Variants in SEMA3A observed in about 807,000 individuals in gnomAD.
The protein encoded by SEMA3A is semaphorin-3A.
SEMA3A carries 29 observed loss-of-function variants against 97.9 expected under a neutral mutation model. The observed-to-expected ratio is 0.30, with a 90% CI of 0.22 to 0.40. The LOEUF (loss-of-function observed/expected upper bound fraction) is 0.40. SEMA3A is among the 10% of genes least tolerant of loss of function. SEMA3A has a pLI of 1.00. For missense variants in SEMA3A, 763 were observed against 951.3 expected (o/e 0.80, Z 2.60); for synonymous variants, 321 against 323.7 (o/e 0.99, Z 0.09).
chr7:84,378,961 C>G (rs899195464), intron 1 of SEMA3A, among the ~76,000 whole-genome samples: 1 of 151,654 alleles, frequency 6.6e-6, no homozygotes, highest in Non-Finnish European at 1.5e-5. Flanking sequence ...GAATCTTGCT[C>G]TGTCGCCCAG....
intron 3 of SEMA3A, among the ~76,000 whole-genome samples, chr7:84,270,025 G>T (rs993056086): frequency 6.6e-6 from 1 of 152,070 alleles, no homozygotes; most frequent in Non-Finnish European, 1.5e-5. Context: ...AACTTGTTGA[G>T]CAAGTGTGGT....
At chr7:84,016,071 T>A (rs1370074768) in intron 6 of SEMA3A, among the ~76,000 whole-genome samples, 1 of 151,962 alleles carries the variant, frequency 6.6e-6, no homozygotes, top group Non-Finnish European at 1.5e-5. Context: ...ATATATATAT[T>A]ATATATGTAA....
At chr7:84,081,865 A>G (rs1005989147) in intron 4 of SEMA3A, among the ~76,000 whole-genome samples, 4 of 152,066 alleles carry the variant, frequency 2.6e-5, no homozygotes, top group Non-Finnish European at 5.9e-5. Flanking sequence ...TACATGTTAT[A>G]TTTATAATCT....
chr7:84,229,933 C>T (rs1024989538), intron 3 of SEMA3A, among the ~76,000 whole-genome samples: 8 of 151,956 alleles, frequency 5.3e-5, no homozygotes, highest in Non-Finnish European at 4.4e-5. Context: ...CCCTTTACCA[C>T]CAACCTTCTC....
intron 1 of SEMA3A, among the ~76,000 whole-genome samples, chr7:84,400,523 G>A (rs1803873505): frequency 6.6e-6 from 1 of 152,108 alleles, no homozygotes; most frequent in Admixed American, 6.6e-5. Flanking sequence ...TGTCTCAACA[G>A]CAGAACTGAT....
At chr7:83,980,623 A>AAAAAAAATAT (rs1310318006) in intron 14 of SEMA3A, among the ~76,000 whole-genome samples, 15 of 71,750 alleles carry the variant, frequency 2.1e-4, no homozygotes, top group African/African-American at 3.3e-4. Context: ...AAAAAAAAAA[A>AAAAAAAATAT]ATATATATAT....
At chr7:84,246,118 C>T (rs770976343) in intron 3 of SEMA3A, among the ~76,000 whole-genome samples, 138 of 152,274 alleles carry the variant, frequency 9.1e-4, no homozygotes, top group Non-Finnish European at 1.7e-3. Flanking sequence ...CAGTGGGCTC[C>T]GCCCAGTCTG....
intron 1 of SEMA3A, among the ~76,000 whole-genome samples, chr7:84,442,248 T>G (rs1381625703): frequency 6.6e-6 from 1 of 152,152 alleles, no homozygotes; most frequent in Non-Finnish European, 1.5e-5. Context: ...TACCTGAGAC[T>G]AGTATATTAT....
chr7:84,456,854 C>A (rs1237936062), intron 1 of SEMA3A, among the ~76,000 whole-genome samples: 1 of 151,534 alleles, frequency 6.6e-6, no homozygotes, highest in Non-Finnish European at 1.5e-5. Flanking sequence ...AACCTTTGAG[C>A]AATTTTGTAA....
chr7:84,222,813 C>T (rs900652011), intron 3 of SEMA3A, among the ~76,000 whole-genome samples: 1 of 151,766 alleles, frequency 6.6e-6, no homozygotes, highest in Non-Finnish European at 1.5e-5. Context: ...TCAAGGGCAA[C>T]GGTTCTCAAA....
intron 14 of SEMA3A, among the ~76,000 whole-genome samples, chr7:83,979,881 A>T: frequency 6.6e-6 from 1 of 152,178 alleles, no homozygotes; most frequent in East Asian, 1.9e-4. Flanking sequence ...TTGCTCAAAT[A>T]TTTTACCAAA....
chr7:84,000,213 T>G (rs1428624974), intron 12 of SEMA3A, among the ~76,000 whole-genome samples: 1 of 152,074 alleles, frequency 6.6e-6, no homozygotes, highest in Non-Finnish European at 1.5e-5. Context: ...TGTTTTTAAC[T>G]TCTAAGATAA....
intron 3 of SEMA3A, among the ~76,000 whole-genome samples, chr7:84,282,082 G>A (rs937967562): frequency 5.3e-5 from 8 of 151,988 alleles, no homozygotes; most frequent in Admixed American, 1.3e-4. Flanking sequence ...CTGCACCAAC[G>A]TTGCACTGAC....
At chr7:84,221,373 C>T (rs548921671) in intron 3 of SEMA3A, among the ~76,000 whole-genome samples, 69 of 150,180 alleles carry the variant, frequency 4.6e-4, no homozygotes, top group Admixed American at 3.9e-3. Flanking sequence ...TTTGTGTGTT[C>T]ACAGGAGTAG....
chr7:84,164,913 AT>A (rs1797151924), intron 1 of SEMA3A, among the ~76,000 whole-genome samples: 1 of 152,216 alleles, frequency 6.6e-6, no homozygotes, highest in African/African-American at 2.4e-5. Flanking sequence ...ATTTTAGAAT[AT>A]GCTCTAGCGC....
intron 4 of SEMA3A, among the ~76,000 whole-genome samples, chr7:84,070,693 C>T (rs1472532899): frequency 1.3e-5 from 2 of 151,966 alleles, no homozygotes; most frequent in East Asian, 1.9e-4. Flanking sequence ...ACAAAAGACA[C>T]TTTGTATGCC....
chr7:84,081,781 A>T (rs1794172202), intron 4 of SEMA3A, among the ~76,000 whole-genome samples: 1 of 151,978 alleles, frequency 6.6e-6, no homozygotes, highest in Admixed American at 6.6e-5. Context: ...TGTACATACA[A>T]GTGTATAAAT....
chr7:84,462,607 T>A (rs993073116), intron 1 of SEMA3A, among the ~76,000 whole-genome samples: 3 of 152,146 alleles, frequency 2.0e-5, no homozygotes, highest in African/African-American at 7.2e-5. Flanking sequence ...TAATTAGTCA[T>A]GTTCCTTAGA....
chr7:84,331,750 T>C (rs943456320), intron 2 of SEMA3A, among the ~76,000 whole-genome samples: 3 of 152,028 alleles, frequency 2.0e-5, no homozygotes, highest in Non-Finnish European at 4.4e-5. Context: ...ATTTCAGCAT[T>C]ACAGCTGGCA....
Sources: gnomAD v4.1 joint callset for allele counts (sites outside exome capture counted in the v4.1 genomes callset) on GRCh38, gnomAD v4.1.1 for gene constraint, MANE v1.5 for transcripts, NCBI Gene and HGNC (gene_info 2026-07-23, HGNC 2026-07-21) for gene names.